Variants in KRTAP4-16 observed in about 807,000 individuals in gnomAD.
KRTAP4-16 encodes the protein keratin-associated protein 4-16.
For missense variants in KRTAP4-16, 378 were observed against 233.5 expected (o/e 1.62, Z -4.03); for synonymous variants, 140 against 88.8 (o/e 1.58, Z -3.24).
exon 1 of KRTAP4-16, chr17:41,102,024 G>C (rs577074605): frequency 1.9e-6 from 3 of 1,592,110 alleles, no homozygotes; most frequent in Non-Finnish European, 2.6e-6. Context: ...GGCGGCAGCA[G>C]GTGGGCTGGC....
exon 1 of KRTAP4-16, chr17:41,101,797 G>C (rs1200916619): frequency 6.4e-7 from 1 of 1,564,578 alleles, no homozygotes; most frequent in East Asian, 2.4e-5. Flanking sequence ...GACGTGGCAG[G>C]AGACTCGACC....
exon 1 of KRTAP4-16, chr17:41,101,646 G>C (rs1401578423): frequency 7.6e-6 from 4 of 525,098 alleles, no homozygotes; most frequent in Non-Finnish European, 1.0e-5. Context: ...GAGGGGAAGG[G>C]CGGGGAGGGG....
Sources: gnomAD v4.1 joint callset for allele counts on GRCh38, gnomAD v4.1.1 for gene constraint, MANE v1.5 for transcripts, NCBI Gene and HGNC (gene_info 2026-07-23, HGNC 2026-07-21) for gene names.